Variants in RNGTT observed in about 807,000 individuals in gnomAD.
RNGTT encodes the protein mRNA-capping enzyme.
A neutral mutation model predicts 79.3 loss-of-function variants in RNGTT; 33 were observed. The observed-to-expected ratio is 0.42, with a 90% CI of 0.32 to 0.56. RNGTT has a LOEUF of 0.56. Among genes scored for constraint, RNGTT ranks in the 20% least tolerant of loss-of-function variants. The pLI, the probability that RNGTT is intolerant of heterozygous loss-of-function variation, is 0.17. For missense variants in RNGTT, 497 were observed against 739.1 expected (o/e 0.67, Z 3.80); for synonymous variants, 222 against 235.9 (o/e 0.94, Z 0.54).
intron 11 of RNGTT, among the ~76,000 whole-genome samples, chr6:88,809,640 G>A (rs1780071196): frequency 6.6e-6 from 1 of 152,066 alleles, no homozygotes; most frequent in East Asian, 1.9e-4. Flanking sequence ...AATTAAAAGG[G>A]AAATTTTAAA....
chr6:88,664,469 A>C (rs1335080193), intron 14 of RNGTT, among the ~76,000 whole-genome samples: 2 of 152,202 alleles, frequency 1.3e-5, no homozygotes, highest in East Asian at 3.8e-4. Flanking sequence ...AAGTGTTTGT[A>C]AATACAGATG....
intron 13 of RNGTT, among the ~76,000 whole-genome samples, chr6:88,753,485 C>G (rs1582418229): frequency 6.7e-6 from 1 of 149,402 alleles, no homozygotes; most frequent in African/African-American, 2.5e-5. Context: ...GCCTAGGCAA[C>G]AGAGTGAGAC....
chr6:88,713,177 C>T (rs760554141), intron 13 of RNGTT, among the ~76,000 whole-genome samples: 30 of 152,070 alleles, frequency 2.0e-4, no homozygotes, highest in Non-Finnish European at 1.6e-4. Context: ...GTAGAATCCT[C>T]ATGATGGGAT....
At chr6:88,727,058 A>G (rs755437981) in intron 13 of RNGTT, among the ~76,000 whole-genome samples, 11 of 152,168 alleles carry the variant, frequency 7.2e-5, no homozygotes, top group Non-Finnish European at 1.5e-4. Flanking sequence ...TTGTCCTAAA[A>G]TAACTGGTTG....
intron 14 of RNGTT, among the ~76,000 whole-genome samples, chr6:88,661,836 T>C (rs1355348693): frequency 6.6e-6 from 1 of 152,174 alleles, no homozygotes; most frequent in Non-Finnish European, 1.5e-5. Context: ...ATTGCCCTAA[T>C]ATTAAAACCA....
chr6:88,755,528 T>A (rs1777982078), intron 13 of RNGTT, among the ~76,000 whole-genome samples: 1 of 151,208 alleles, frequency 6.6e-6, no homozygotes, highest in Admixed American at 6.6e-5. Context: ...TTGGGGAAAA[T>A]GTTCCAGTAA....
chr6:88,764,280 T>C (rs1015483105), intron 13 of RNGTT, among the ~76,000 whole-genome samples: 1 of 152,210 alleles, frequency 6.6e-6, no homozygotes, highest in Non-Finnish European at 1.5e-5. Flanking sequence ...TTTGCTGTGT[T>C]TCTGTTTTTA....
At chr6:88,837,289 C>T (rs1781112959) in intron 11 of RNGTT, among the ~76,000 whole-genome samples, 1 of 151,806 alleles carries the variant, frequency 6.6e-6, no homozygotes, top group South Asian at 2.1e-4. Context: ...CCCAGCTACT[C>T]GGGAGGCTGA....
intron 13 of RNGTT, among the ~76,000 whole-genome samples, chr6:88,716,926 C>G (rs1017119244): frequency 2.0e-5 from 3 of 152,094 alleles, no homozygotes; most frequent in Non-Finnish European, 4.4e-5. Context: ...ATGTAACTAA[C>G]CTGCATGTTG....
intron 6 of RNGTT, among the ~76,000 whole-genome samples, chr6:88,893,820 A>G (rs974116393): frequency 1.3e-5 from 2 of 152,188 alleles, no homozygotes; most frequent in Non-Finnish European, 2.9e-5. Flanking sequence ...CCAATAAAAA[A>G]AAGTATGATA....
At chr6:88,620,006 C>A (rs115863904) in intron 14 of RNGTT, among the ~76,000 whole-genome samples, 2,891 of 152,268 alleles carry the variant, frequency 0.019, 87 homozygotes, top group African/African-American at 0.064. Flanking sequence ...GAAAGTGTGT[C>A]CGCCTACTAA....
intron 8 of RNGTT, among the ~76,000 whole-genome samples, chr6:88,869,606 T>C (rs1309942069): frequency 2.0e-5 from 3 of 152,140 alleles, no homozygotes; most frequent in African/African-American, 2.4e-5. Context: ...TTTATTTTCC[T>C]TTTAACACTA....
At chr6:88,845,230 G>T (rs1001536704) in intron 10 of RNGTT, among the ~76,000 whole-genome samples, 2 of 152,080 alleles carry the variant, frequency 1.3e-5, no homozygotes, top group African/African-American at 4.8e-5. Flanking sequence ...TAGAAGACAT[G>T]TATCAAATAC....
chr6:88,734,561 C>G (rs1362330697), intron 13 of RNGTT, among the ~76,000 whole-genome samples: 1 of 151,944 alleles, frequency 6.6e-6, no homozygotes, highest in Non-Finnish European at 1.5e-5. Flanking sequence ...AAAGACCCAA[C>G]TAATATTTTC....
chr6:88,827,642 C>T (rs992802938), intron 11 of RNGTT, among the ~76,000 whole-genome samples: 9 of 152,178 alleles, frequency 5.9e-5, no homozygotes, highest in African/African-American at 7.2e-5. Flanking sequence ...GATCCACTGG[C>T]TTGAAATTCT....
chr6:88,692,332 G>A (rs1334832010), intron 13 of RNGTT, among the ~76,000 whole-genome samples: 7 of 152,050 alleles, frequency 4.6e-5, no homozygotes, highest in African/African-American at 1.4e-4. Flanking sequence ...CAAAGAGGCT[G>A]TACCCAAGTT....
intron 13 of RNGTT, among the ~76,000 whole-genome samples, chr6:88,764,633 T>G (rs1212113496): frequency 6.6e-6 from 1 of 152,230 alleles, no homozygotes; most frequent in African/African-American, 2.4e-5. Flanking sequence ...TTTGTTTGTA[T>G]ATACATTCCA....
intron 13 of RNGTT, among the ~76,000 whole-genome samples, chr6:88,696,020 TG>T (rs1775650088): frequency 6.6e-6 from 1 of 152,126 alleles, no homozygotes; most frequent in Non-Finnish European, 1.5e-5. Flanking sequence ...AACAGGGAGA[TG>T]TTGATCAAAG....
chr6:88,628,207 C>G (rs1489243409), intron 14 of RNGTT, among the ~76,000 whole-genome samples: 1 of 151,972 alleles, frequency 6.6e-6, no homozygotes, highest in African/African-American at 2.4e-5. Context: ...ATTTAAAAAG[C>G]CACTCAGAAA....
Sources: gnomAD v4.1 joint callset for allele counts (sites outside exome capture counted in the v4.1 genomes callset) on GRCh38, gnomAD v4.1.1 for gene constraint, MANE v1.5 for transcripts, NCBI Gene and HGNC (gene_info 2026-07-23, HGNC 2026-07-21) for gene names.